Variants in GALNT13 observed in about 807,000 individuals in gnomAD.
The protein encoded by GALNT13 is UDP-GalNAc:polypeptide N-acetylgalactosaminyltransferase 13.
A neutral mutation model predicts 64.2 loss-of-function variants in GALNT13; 28 were observed. That is an observed-to-expected ratio of 0.44 (90% CI 0.32 to 0.60). GALNT13 has a LOEUF of 0.60. Ranked by LOEUF, GALNT13 falls within the 20% of genes least tolerant of loss-of-function variation. The probability of loss-of-function intolerance (pLI) is 0.05; values close to 1 mark genes in which losing one functional copy is unlikely to be tolerated. For synonymous variants in GALNT13, 214 were observed against 224.6 expected (o/e 0.95, Z 0.42); for missense variants, 577 against 669.8 (o/e 0.86, Z 1.53).
chr2:153,511,628 T>A, the GALNT13 span, among the ~76,000 whole-genome samples: 1 of 152,212 alleles, frequency 6.6e-6, no homozygotes, highest in Admixed American at 6.5e-5. Context: ...CGTGATTCTG[T>A]ATTTTTCACT....
At chr2:154,368,589 G>A (rs1199649355) in intron 9 of GALNT13, among the ~76,000 whole-genome samples, 1 of 152,176 alleles carries the variant, frequency 6.6e-6, no homozygotes, top group African/African-American at 2.4e-5. Flanking sequence ...GAGATGGGGA[G>A]CCACAGCTCA....
chr2:154,318,919 A>T (rs950062528), intron 9 of GALNT13, among the ~76,000 whole-genome samples: 1 of 152,106 alleles, frequency 6.6e-6, no homozygotes, highest in Non-Finnish European at 1.5e-5. Flanking sequence ...AAATATATAT[A>T]CACACATATG....
At chr2:153,384,171 C>A in the GALNT13 span, among the ~76,000 whole-genome samples, 1 of 152,040 alleles carries the variant, frequency 6.6e-6, no homozygotes, top group African/African-American at 2.4e-5. Context: ...TTTTTCCTTG[C>A]AATAATTCTC....
the GALNT13 span, among the ~76,000 whole-genome samples, chr2:153,546,609 C>T: frequency 1.3e-5 from 2 of 152,182 alleles, no homozygotes; most frequent in South Asian, 4.1e-4. Context: ...TACTTAGTCA[C>T]TGTCCACAGC....
the GALNT13 span, among the ~76,000 whole-genome samples, chr2:153,290,083 A>G: frequency 8.5e-5 from 13 of 152,174 alleles, no homozygotes; most frequent in Non-Finnish European, 5.9e-5. Context: ...TTGCATTTCT[A>G]TTATTCCTTT....
At chr2:154,232,040 A>C (rs1030258085) in intron 4 of GALNT13, among the ~76,000 whole-genome samples, 1 of 151,798 alleles carries the variant, frequency 6.6e-6, no homozygotes, top group Non-Finnish European at 1.5e-5. Context: ...CAGAGAGTTA[A>C]AACAAAAGAG....
chr2:153,540,381 A>G, the GALNT13 span, among the ~76,000 whole-genome samples: 4 of 152,248 alleles, frequency 2.6e-5, no homozygotes, highest in African/African-American at 9.6e-5. Context: ...ATGTCCAGGC[A>G]GAAGTTTGCT....
chr2:154,257,140 T>A (rs1315144192), intron 7 of GALNT13, among the ~76,000 whole-genome samples: 2 of 152,150 alleles, frequency 1.3e-5, no homozygotes, highest in Admixed American at 1.3e-4. Flanking sequence ...AATTGTAATT[T>A]TATTTTATTA....
intron 4 of GALNT13, among the ~76,000 whole-genome samples, chr2:154,169,205 C>G (rs1217505018): frequency 6.6e-6 from 1 of 152,068 alleles, no homozygotes; most frequent in South Asian, 2.1e-4. Context: ...CCTTGGAAAT[C>G]AAATCTCAAC....
the GALNT13 span, chr2:153,478,277 G>A: frequency 1.2e-6 from 2 of 1,614,018 alleles, no homozygotes; most frequent in Non-Finnish European, 1.7e-6. Context: ...TCCTTAGACG[G>A]CCTCCGGTCC....
the GALNT13 span, among the ~76,000 whole-genome samples, chr2:153,208,684 G>T: frequency 6.6e-6 from 1 of 152,088 alleles, no homozygotes; most frequent in Non-Finnish European, 1.5e-5. Context: ...AAATTAGTAG[G>T]TTGTATGATA....
At chr2:153,251,725 G>C in the GALNT13 span, among the ~76,000 whole-genome samples, 1 of 149,820 alleles carries the variant, frequency 6.7e-6, no homozygotes, top group Non-Finnish European at 1.5e-5. Context: ...GCGGTGTTTG[G>C]TTTTTTGTTC....
intron 4 of GALNT13, among the ~76,000 whole-genome samples, chr2:154,179,746 C>T (rs563621341): frequency 2.0e-5 from 3 of 148,226 alleles, no homozygotes; most frequent in African/African-American, 7.5e-5. Flanking sequence ...GCTTCAAGTA[C>T]AATTTCATAA....
chr2:153,260,561 C>A, the GALNT13 span, among the ~76,000 whole-genome samples: 138 of 152,274 alleles, frequency 9.1e-4, 2 homozygotes, highest in South Asian at 0.027. Flanking sequence ...GAGCAATCTG[C>A]TGCCTAACAT....
chr2:154,102,984 C>T (rs1010668699), intron 3 of GALNT13, among the ~76,000 whole-genome samples: 15 of 151,870 alleles, frequency 9.9e-5, no homozygotes, highest in Non-Finnish European at 1.5e-4. Context: ...TGATTATTGC[C>T]TTGTTGATGT....
intron 2 of GALNT13, among the ~76,000 whole-genome samples, chr2:153,911,768 G>A (rs1688956852): frequency 1.3e-5 from 2 of 152,148 alleles, no homozygotes; most frequent in South Asian, 4.1e-4. Flanking sequence ...TGCTGTTTCT[G>A]AGAAGTTGGC....
chr2:154,429,870 G>T (rs1285979615), intron 11 of GALNT13, among the ~76,000 whole-genome samples: 2 of 152,112 alleles, frequency 1.3e-5, no homozygotes, highest in East Asian at 3.9e-4. Context: ...TAACAATTAT[G>T]CTGAATCTAC....
intron 3 of GALNT13, among the ~76,000 whole-genome samples, chr2:154,021,047 T>C (rs1363506356): frequency 3.3e-5 from 5 of 152,328 alleles, no homozygotes; most frequent in South Asian, 2.1e-4. Flanking sequence ...TCTGTTCTGC[T>C]CCATTGGTCT....
chr2:153,148,500 C>T, the GALNT13 span, among the ~76,000 whole-genome samples: 1 of 139,296 alleles, frequency 7.2e-6, no homozygotes, highest in Admixed American at 7.4e-5. Flanking sequence ...TTTGCTAAGA[C>T]TCTTATTTAG....
Sources: gnomAD v4.1 joint callset for allele counts (sites outside exome capture counted in the v4.1 genomes callset) on GRCh38, gnomAD v4.1.1 for gene constraint, MANE v1.5 for transcripts, NCBI Gene and HGNC (gene_info 2026-07-23, HGNC 2026-07-21) for gene names.